CNTN5: variants seen among roughly 807,000 people sequenced by gnomAD.
The protein encoded by CNTN5 is contactin 5.
A neutral mutation model predicts 129.1 loss-of-function variants in CNTN5; 77 were observed. The ratio of observed to expected loss-of-function variants is 0.60; its 90% confidence interval spans 0.50 to 0.72. The LOEUF (loss-of-function observed/expected upper bound fraction) is 0.72. Among genes scored for constraint, CNTN5 ranks in the 30% least tolerant of loss-of-function variants. CNTN5 has a pLI of 0.00. For missense variants in CNTN5, 1,478 were observed against 1,328.8 expected (o/e 1.11, Z -1.75); for synonymous variants, 509 against 465.6 (o/e 1.09, Z -1.20).
At chr11:100,123,330 A>G (rs1946087009) in intron 13 of CNTN5, among the ~76,000 whole-genome samples, 1 of 151,988 alleles carries the variant, frequency 6.6e-6, no homozygotes, top group Non-Finnish European at 1.5e-5. Flanking sequence ...ATATCTCTAT[A>G]TATGTCTAGT....
At chr11:99,452,688 T>A (rs915554122) in intron 2 of CNTN5, among the ~76,000 whole-genome samples, 1 of 152,058 alleles carries the variant, frequency 6.6e-6, no homozygotes, top group Non-Finnish European at 1.5e-5. Flanking sequence ...TTTAAAATAA[T>A]CACCAGTTTG....
intron 10 of CNTN5, among the ~76,000 whole-genome samples, chr11:100,065,829 A>C (rs535769024): frequency 1.3e-5 from 2 of 152,232 alleles, no homozygotes; most frequent in South Asian, 4.1e-4. Context: ...ATATATTAAA[A>C]TCCTTGCCAT....
intron 20 of CNTN5, among the ~76,000 whole-genome samples, chr11:100,306,798 T>C (rs1951359973): frequency 6.6e-6 from 1 of 151,212 alleles, no homozygotes; most frequent in Non-Finnish European, 1.5e-5. Flanking sequence ...TAATAGGGAG[T>C]TGGAAAGTGA....
intron 1 of CNTN5, among the ~76,000 whole-genome samples, chr11:99,112,900 T>G (rs565638274): frequency 6.6e-6 from 1 of 151,980 alleles, no homozygotes; most frequent in African/African-American, 2.4e-5. Flanking sequence ...TTAAAAAAAA[T>G]TATCTCCCTT....
At chr11:100,135,929 A>G (rs1409721766) in intron 13 of CNTN5, among the ~76,000 whole-genome samples, 3 of 152,096 alleles carry the variant, frequency 2.0e-5, no homozygotes, top group Non-Finnish European at 4.4e-5. Flanking sequence ...TCTTTGAGTT[A>G]AGGTCTGGTT....
At chr11:99,638,756 A>T in intron 3 of CNTN5, among the ~76,000 whole-genome samples, 1 of 152,170 alleles carries the variant, frequency 6.6e-6, no homozygotes, top group East Asian at 1.9e-4. Flanking sequence ...CTGATGTAAG[A>T]GATGGGTTCC....
At chr11:99,770,295 T>C (rs986086915) in intron 3 of CNTN5, among the ~76,000 whole-genome samples, 1 of 152,114 alleles carries the variant, frequency 6.6e-6, no homozygotes, top group African/African-American at 2.4e-5. Flanking sequence ...TATACAAAGG[T>C]ACATTCAAAG....
At chr11:99,763,580 A>G (rs1233503672) in intron 3 of CNTN5, among the ~76,000 whole-genome samples, 5 of 152,086 alleles carry the variant, frequency 3.3e-5, no homozygotes, top group African/African-American at 1.2e-4. Context: ...TCAGTATCTG[A>G]ACATGTTTTT....
At chr11:99,336,459 C>A (rs1352277793) in intron 2 of CNTN5, among the ~76,000 whole-genome samples, 1 of 152,122 alleles carries the variant, frequency 6.6e-6, no homozygotes, top group Non-Finnish European at 1.5e-5. Context: ...AATAGTATTA[C>A]TGTAAAATAG....
rs142431619 is a variant in CNTN5 at position 99,940,174 on chromosome 11, C to T, written c.674-16632C>T. On this transcript the variant is annotated intron_variant, in intron 7 of 24. Coordinates refer to ENST00000524871, the MANE Select transcript of CNTN5 (RefSeq NM_014361.4). Reference sequence around the variant, plus strand: ...CAATGCAGAGGACAGTCTCTCATGACAAAGAATTATCAGCCCCCAATGTCA... The same window carrying T: ...CAATGCAGAGGACAGTCTCTCATGATAAAGAATTATCAGCCCCCAATGTCA... 1.2e-3 allele frequency among the ~76,000 whole-genome samples: 180 copies of T among 152,202 alleles called. 2 individuals are homozygous for T. Among genetic ancestry groups the T allele is most frequent in the African/African-American group, 4.0e-3 (166 of 41,544 alleles).
At chr11:99,383,707 T>C (rs1188055467) in intron 2 of CNTN5, among the ~76,000 whole-genome samples, 1 of 152,208 alleles carries the variant, frequency 6.6e-6, no homozygotes, top group Non-Finnish European at 1.5e-5. Context: ...CCATGGCTAT[T>C]ATAATTTTTA....
intron 1 of CNTN5, among the ~76,000 whole-genome samples, chr11:99,112,869 C>A (rs908825494): frequency 1.3e-5 from 2 of 151,888 alleles, no homozygotes; most frequent in Non-Finnish European, 2.9e-5. Context: ...ACTATGCATT[C>A]TTTTTACTAT....
At chr11:100,063,750 G>T (rs1010231490) in intron 10 of CNTN5, among the ~76,000 whole-genome samples, 15 of 150,696 alleles carry the variant, frequency 1.0e-4, no homozygotes, top group Middle Eastern at 3.4e-3. Context: ...ATCTGAGCAT[G>T]GCGTTGCACT....
intron 13 of CNTN5, among the ~76,000 whole-genome samples, chr11:100,087,183 TA>T (rs1944586320): frequency 6.6e-6 from 1 of 151,312 alleles, no homozygotes. Flanking sequence ...ACAGATGCCA[TA>T]AACAGATAAA....
chr11:99,983,457 A>C (rs956465813), intron 8 of CNTN5, among the ~76,000 whole-genome samples: 2 of 152,186 alleles, frequency 1.3e-5, no homozygotes, highest in Non-Finnish European at 2.9e-5. Context: ...GGGGATTCAA[A>C]TTTTGCCTTA....
At chr11:100,196,807 CT>C (rs201336873) in intron 15 of CNTN5, among the ~76,000 whole-genome samples, 2 of 151,604 alleles carry the variant, frequency 1.3e-5, no homozygotes, top group South Asian at 2.1e-4. Context: ...CATCCAAATC[CT>C]TTTTTTTGGC....
At chr11:99,230,865 T>C (rs1005363762) in intron 1 of CNTN5, among the ~76,000 whole-genome samples, 2 of 152,154 alleles carry the variant, frequency 1.3e-5, no homozygotes, top group Non-Finnish European at 2.9e-5. Context: ...CCACGTGTTC[T>C]CATTGTTTAG....
At position 99,227,228 on chromosome 11, in the gene CNTN5, C is replaced by T. The variant is rs941332896; in HGVS notation, c.-209-98118C>T. ...ACAAAAAATTAGCCAGGTGTGGTGG[C>T]GCTTGCCTGTAATCCCAGCTACTCA... is the stretch of plus-strand genomic sequence containing the variant. On this transcript the variant is annotated intron_variant, in intron 1 of 24. Coordinates refer to ENST00000524871, the MANE Select transcript of CNTN5 (RefSeq NM_014361.4). Among the ~76,000 whole-genome samples, 8 of 151,924 alleles carry T rather than the reference C, an allele frequency of 5.3e-5. No homozygotes were observed. The East Asian group carries it at 1.2e-3, about 22-fold the overall frequency.
In CNTN5 at chr11:99,059,210, G is replaced by T. The variant is rs550493272; in HGVS notation, c.-210+37940G>T. On this transcript the variant is annotated intron_variant, in intron 1 of 24. Coordinates refer to ENST00000524871, the MANE Select transcript of CNTN5 (RefSeq NM_014361.4). Reference sequence around the variant, plus strand: ...TAATTTGAAAATTTATTGCAATGAGGATTCATGGTATTTATTTACTAAATG... The same window carrying T: ...TAATTTGAAAATTTATTGCAATGAGTATTCATGGTATTTATTTACTAAATG... Among the ~76,000 whole-genome samples the T allele has an allele frequency of 5.9e-5, 9 of 151,846 alleles. No individual in the cohort carries two copies. In the South Asian group the frequency reaches 1.7e-3, roughly 28 times the overall value.
Sources: gnomAD v4.1 joint callset for allele counts (sites outside exome capture counted in the v4.1 genomes callset) on GRCh38, gnomAD v4.1.1 for gene constraint, MANE v1.5 for transcripts, NCBI Gene and HGNC (gene_info 2026-07-23, HGNC 2026-07-21) for gene names.